Variants in CUL4B observed in about 807,000 individuals in gnomAD.
The protein encoded by CUL4B is cullin 4B.
CUL4B carries 1 observed loss-of-function variant against 69.2 expected under a neutral mutation model. The ratio of observed to expected loss-of-function variants is 0.01; its 90% confidence interval spans 0.01 to 0.07. The LOEUF (loss-of-function observed/expected upper bound fraction) is 0.07, where lower values mean the gene tolerates loss of function less well. Ranked by LOEUF, CUL4B falls within the 10% of genes least tolerant of loss-of-function variation. The pLI is 1.00. For synonymous variants in CUL4B, 237 were observed against 223.2 expected (o/e 1.06, Z -0.55); for missense variants, 328 against 638.8 (o/e 0.51, Z 5.24).
intron 2 of CUL4B, among the ~76,000 whole-genome samples, chrX:120,549,938 T>C (rs976825014): frequency 1.8e-5 from 2 of 111,927 alleles, no homozygotes; most frequent in African/African-American, 6.5e-5. Flanking sequence ...ATTGTGCACT[T>C]CCGGTACTTC....
chrX:120,544,685 C>T (rs1446800999), intron 5 of CUL4B, 42 bp from the exon 6 acceptor site: 1 of 1,113,612 alleles, frequency 9.0e-7, no homozygotes. Flanking sequence ...ATTGACAATA[C>T]CACTTCTGAA....
intron 5 of CUL4B, 122 bp from the exon 6 acceptor site, chrX:120,544,765 G>T: frequency 3.8e-6 from 2 of 530,135 alleles, no homozygotes; most frequent in South Asian, 6.4e-5. Context: ...AGCAGCAATT[G>T]TCAAAAAATA....
chrX:120,557,889 G>T, intron 2 of CUL4B, 35 bp downstream of exon 2: 2 of 953,298 alleles, frequency 2.1e-6, no homozygotes, highest in Non-Finnish European at 3.0e-6. Flanking sequence ...CTCAATTTAT[G>T]TTAATCAAAT....
chrX:120,553,046 A>G (rs1373816621), intron 2 of CUL4B, among the ~76,000 whole-genome samples: 2 of 112,435 alleles, frequency 1.8e-5, no homozygotes, highest in Admixed American at 1.9e-4. Context: ...ACTGAAAATT[A>G]TCAAGGACTA....
rs187869423 is a variant in CUL4B, at chrX:120,532,120, T to C, written c.2439+302A>G. On this transcript the variant is annotated intron_variant, in intron 18 of 19. Transcript: ENST00000371322. ...GTGGTTGAACAAACTATAAGAGCCA[T>C]GTAAAAATATTACACTGCCATCTGC... Among the ~76,000 whole-genome samples the C allele has an allele frequency of 2.4e-3, 265 of 111,928 alleles. 3 individuals are homozygous for C. Among genetic ancestry groups the C allele is most frequent in the Admixed American group, 0.021 (218 of 10,513 alleles).
chrX:120,541,804 T>A, intron 9 of CUL4B, 84 bp from the exon 10 acceptor site: 1 of 621,803 alleles, frequency 1.6e-6, no homozygotes, highest in Non-Finnish European at 2.8e-6. Flanking sequence ...AAATTTGAGT[T>A]ATAATCATTA....
At position 120,552,704 on chromosome X, in the gene CUL4B, G is replaced by A. The variant is rs145738307; in HGVS notation, c.672+5220C>T. 4.4e-3 allele frequency among the ~76,000 whole-genome samples: 486 copies of A among 111,288 alleles called. 3 individuals are homozygous for A. Among genetic ancestry groups the A allele is most frequent in the African/African-American group, 0.013 (413 of 30,606 alleles). On this transcript the variant is annotated intron_variant, in intron 2 of 19. Coordinates refer to ENST00000371322, the MANE Select transcript of CUL4B (RefSeq NM_001079872.2). Reference sequence around the variant, plus strand: ...ACACAGTCAAAAAATATATATAAACGTGTAGCAAATGACATATGCAAATAT... The same window carrying A: ...ACACAGTCAAAAAATATATATAAACATGTAGCAAATGACATATGCAAATAT...
chrX:120,561,869 G>T (rs1457685601), upstream of CUL4B, among the ~76,000 whole-genome samples: 2 of 111,136 alleles, frequency 1.8e-5, no homozygotes, highest in South Asian at 3.8e-4. Flanking sequence ...AGGAAGAAAA[G>T]GACTTTTTAA....
chrX:120,549,409 G>A (rs138091083), intron 2 of CUL4B, among the ~76,000 whole-genome samples: 1,390 of 111,387 alleles, frequency 0.012, 8 homozygotes, highest in Non-Finnish European at 0.02. Context: ...AAAATTAGCC[G>A]GGTGTGGTGG....
In CUL4B at chrX:120,557,564, T is replaced by C. The variant is rs755643323; in HGVS notation, c.672+360A>G. ...TCTGCATGTCTTGAGGCCTTTCCTA[T>C]GGGTAGGTAACACAACTAAGAAACA... On this transcript the variant is annotated intron_variant, in intron 2 of 19. Coordinates refer to ENST00000371322, the MANE Select transcript of CUL4B (RefSeq NM_001079872.2). 2.7e-5 allele frequency among the ~76,000 whole-genome samples: 3 copies of C among 112,070 alleles called. No homozygotes were observed. In the South Asian group the frequency reaches 1.1e-3, roughly 41 times the overall value.
chrX:120,558,632 A>G (rs898631200), intron 1 of CUL4B, among the ~76,000 whole-genome samples: 9 of 111,943 alleles, frequency 8.0e-5, no homozygotes, highest in African/African-American at 2.9e-4. Flanking sequence ...TTTAAACTAC[A>G]TTTACGAGCA....
intron 11 of CUL4B, among the ~76,000 whole-genome samples, chrX:120,540,072 A>T (rs868742615): frequency 1.2e-4 from 14 of 112,312 alleles, no homozygotes; most frequent in African/African-American, 3.9e-4. Context: ...GTAGCTTGAA[A>T]TAACACCCTG....
At chrX:120,562,735 A>G (rs1232490113), upstream of CUL4B, among the ~76,000 whole-genome samples, 1 of 111,502 alleles carries the variant, frequency 9.0e-6, no homozygotes, top group Non-Finnish European at 1.9e-5. Flanking sequence ...AAGGAGTGAA[A>G]GGGCCAGGCC....
At chrX:120,561,595 G>C (rs1288978421), upstream of CUL4B, among the ~76,000 whole-genome samples, 1 of 106,254 alleles carries the variant, frequency 9.4e-6, no homozygotes, top group Non-Finnish European at 1.9e-5. Flanking sequence ...GAGCCTCGGG[G>C]GAGGGAAGGT....
chrX:120,538,508 T>C, intron 13 of CUL4B, 152 bp downstream of exon 13: 1 of 463,661 alleles, frequency 2.2e-6, no homozygotes, highest in East Asian at 3.6e-5. Flanking sequence ...TTATGTACAA[T>C]AAGTTGGAAA....
rs560784961 is a variant in CUL4B at position 120,554,121 on chromosome X, T to G, written c.672+3803A>C. 1.1e-3 allele frequency among the ~76,000 whole-genome samples: 127 copies of G among 112,432 alleles called. 2 individuals carry two copies. The South Asian group carries it at 0.045, about 40-fold the overall frequency. ...AAAATGTAATTTTAAAATAAAGATT[T>G]CTTTTCTAAAGACTCAAATATCTAC... On this transcript the variant is annotated intron_variant, in intron 2 of 19. Coordinates refer to ENST00000371322, the MANE Select transcript of CUL4B (RefSeq NM_001079872.2).
At position 120,546,567 on chromosome X, in the gene CUL4B, G is replaced by T; in HGVS notation, c.826C>A (p.Gln276Lys). The change falls in exon 4 of 20, where the codon CAA becomes AAA. Residue 276 changes from glutamine to lysine, a missense_variant. Coordinates refer to ENST00000371322, the MANE Select transcript of CUL4B (RefSeq NM_001079872.2). Reference protein sequence around the residue: ...LFLKKIDRCWQNHCRQMIMIR... With the variant: ...LFLKKIDRCWKNHCRQMIMIR... ...CTTACCATTTGTCTGCAATGGTTTT[G>T]CCAGCATCTATCAATCTTCTTTAAA... 8.3e-7 allele frequency: 1 copy of T among 1,203,949 alleles called. No individual in the cohort carries two copies. The highest frequency in any genetic ancestry group is 1.1e-6 in the Non-Finnish European group (1 of 889,323).
intron 1 of CUL4B, among the ~76,000 whole-genome samples, chrX:120,558,423 T>C (rs759251227): frequency 1.8e-5 from 2 of 112,118 alleles, no homozygotes; most frequent in South Asian, 7.3e-4. Context: ...TGCAAGGTAC[T>C]TTATAAGCCT....
intron 3 of CUL4B, 116 bp from the exon 4 acceptor site, chrX:120,546,732 G>T: frequency 2.0e-6 from 1 of 502,731 alleles, no homozygotes; most frequent in Non-Finnish European, 3.4e-6. Flanking sequence ...AAACTAAATG[G>T]CACTTGATTA....
Sources: allele counts gnomAD v4.1 joint callset (sites outside exome capture counted in the v4.1 genomes callset), GRCh38; gene constraint gnomAD v4.1.1; transcripts MANE v1.5; gene names NCBI Gene and HGNC (gene_info 2026-07-23, HGNC 2026-07-21).